Variants in TMEM25 observed in about 807,000 individuals in gnomAD.
The protein encoded by TMEM25 is transmembrane protein 25.
A neutral mutation model predicts 37.0 loss-of-function variants in TMEM25; 36 were observed. That is an observed-to-expected ratio of 0.97 (90% CI 0.75 to 1.28). The LOEUF (loss-of-function observed/expected upper bound fraction) is 1.28. Ranked by LOEUF, TMEM25 falls within the 50% of genes most tolerant of loss-of-function variation. TMEM25 has a pLI of 0.00. For missense variants in TMEM25, 444 were observed against 477.9 expected, an observed-to-expected ratio of 0.93 and a Z score of 0.66; for synonymous variants, 197 against 203.7, an observed-to-expected ratio of 0.97 and a Z score of 0.28.
chr11:118,532,487 A>G, intron 3 of TMEM25, 26 bp downstream of exon 3: 1 of 1,583,416 alleles, frequency 6.3e-7, no homozygotes, highest in African/African-American at 1.3e-5. Context: ...GTGGGCAGGG[A>G]GATAGGTTCT....
At chr11:118,539,038 C>T (rs1225457989), downstream of TMEM25, among the ~76,000 whole-genome samples, 3 of 151,766 alleles carry the variant, frequency 2.0e-5, no homozygotes, top group African/African-American at 7.3e-5. Flanking sequence ...TGAATATTTT[C>T]TCCCATTCAA....
intron 8 of TMEM25, chr11:118,545,685 T>C (rs1306244002): frequency 5.4e-6 from 7 of 1,299,542 alleles, no homozygotes; most frequent in Non-Finnish European, 6.7e-6. Context: ...GGGCTTAAAG[T>C]GAAGGCTGAA....
At chr11:118,546,931 C>CTTG (rs1951700880), downstream of TMEM25, 1 of 108,076 alleles carries the variant, frequency 9.3e-6, no homozygotes, top group African/African-American at 3.5e-5. Context: ...TTTCTTAAAA[C>CTTG]TTTTCTCTTT....
In TMEM25 at chr11:118,535,579, C is replaced by T. The variant is rs782304642; in HGVS notation, c.*999C>T. ...GCCTCATCAGCAGGAAGGTGCCCTT[C>T]CTGGAGGATGGTCGCCACAGGCACA... is the stretch of plus-strand genomic sequence containing the variant. On this transcript the variant is annotated 3_prime_UTR_variant, in exon 9 of 9. Transcript: ENST00000313236. The T allele has an allele frequency of 6.5e-7, 1 of 1,535,734 alleles. No homozygotes were observed. The highest frequency in any genetic ancestry group is 1.2e-5 in the South Asian group (1 of 83,970).
chr11:118,532,506 G>A (rs576036583), intron 3 of TMEM25, 45 bp downstream of exon 3: 4 of 1,564,836 alleles, frequency 2.6e-6, no homozygotes, highest in South Asian at 2.4e-5. Flanking sequence ...CTTTGCCCAG[G>A]GACCCCCAGC....
intron 8 of TMEM25, chr11:118,544,936 C>G: frequency 6.2e-7 from 1 of 1,613,216 alleles, no homozygotes; most frequent in Non-Finnish European, 8.5e-7. Flanking sequence ...GTTAATGTCT[C>G]CATGTCTCCA....
chr11:118,532,590 C>A, intron 3 of TMEM25, 129 bp downstream of exon 3: 1 of 1,062,320 alleles, frequency 9.4e-7, no homozygotes, highest in Non-Finnish European at 1.3e-6. Context: ...TCATTTGATC[C>A]TCTGAGTAAC....
chr11:118,534,220 A>G lies in TMEM25; in HGVS notation c.938-46A>G. 1 of 1,613,568 alleles carries G rather than the reference A, an allele frequency of 6.2e-7. No individual in the cohort carries two copies. Among genetic ancestry groups the G allele is most frequent in the African/African-American group, 1.3e-5 (1 of 75,046 alleles). ...TGGTGCTTGGGAGGGGCGAGGCCTCATCAGGCACACTCCTCGTCCTGAACA... is the reference window on the plus strand; with the variant it reads ...TGGTGCTTGGGAGGGGCGAGGCCTCGTCAGGCACACTCCTCGTCCTGAACA... On this transcript the variant is annotated intron_variant, in intron 7 of 8. Coordinates refer to ENST00000313236, the MANE Select transcript of TMEM25 (RefSeq NM_032780.4). The surrounding 1 kb of genome is among the most constrained non-coding windows in gnomAD (Gnocchi z 4.6).
intron 8 of TMEM25, chr11:118,545,525 A>C: frequency 6.4e-7 from 1 of 1,569,034 alleles, no homozygotes; most frequent in Non-Finnish European, 8.8e-7. Context: ...CAGGAACAGA[A>C]GCAAACAAAC....
intron 6 of TMEM25, 49 bp from the exon 7 acceptor site, chr11:118,533,980 G>C (rs782567522): frequency 8.7e-6 from 14 of 1,613,358 alleles, no homozygotes; most frequent in Non-Finnish European, 2.5e-6. Flanking sequence ...GCAGCCATGA[G>C]TGCCTGTGCC....
downstream of TMEM25, among the ~76,000 whole-genome samples, chr11:118,539,321 C>A (rs1316875851): frequency 1.3e-5 from 2 of 151,984 alleles, no homozygotes; most frequent in Non-Finnish European, 2.9e-5. Flanking sequence ...GTGCGTGCCA[C>A]CACACCCAGC....
chr11:118,541,306 CA>C (rs1230135449), intron 8 of TMEM25, among the ~76,000 whole-genome samples: 1 of 151,598 alleles, frequency 6.6e-6, no homozygotes, highest in Non-Finnish European at 1.5e-5. Flanking sequence ...ACTAAAAATA[CA>C]AAAAATTAGC....
At chr11:118,535,909 A>G (rs1288362889), downstream of TMEM25, 40 of 966,638 alleles carry the variant, frequency 4.1e-5, no homozygotes, top group Middle Eastern at 5.1e-4. Flanking sequence ...ATGGAGTCTC[A>G]CTCTGTCGCC....
At chr11:118,537,659 A>G, downstream of TMEM25, among the ~76,000 whole-genome samples, 1 of 152,186 alleles carries the variant, frequency 6.6e-6, no homozygotes, top group East Asian at 1.9e-4. Flanking sequence ...ATAAACATGA[A>G]AGTGCAGGCA....
Position 118,532,629 on chromosome 11 carries a change from C to T in TMEM25, c.382+168C>T, listed in dbSNP as rs2135378482. ...ATGAGGTCATTACTATTGTCGTCAC[C>T]ATTTTACAAATAAGAAAACTGAGGC... On this transcript the variant is annotated intron_variant, in intron 3 of 8. Coordinates refer to ENST00000313236, the MANE Select transcript of TMEM25 (RefSeq NM_032780.4). 7 of 877,014 alleles carry T rather than the reference C, an allele frequency of 8.0e-6. No individual in the cohort carries two copies. The East Asian group carries it at 1.9e-4, about 23-fold the overall frequency. The allele number at this position is 877,014 out of a possible 1,614,324, so 54.3% of individuals were successfully genotyped here.
At chr11:118,541,289 C>T (rs1041446440) in intron 8 of TMEM25, among the ~76,000 whole-genome samples, 2 of 151,808 alleles carry the variant, frequency 1.3e-5, no homozygotes, top group Non-Finnish European at 2.9e-5. Context: ...AGTGAAACCC[C>T]GTCTCTACTA....
chr11:118,546,141 C>A (rs564564627), exon 9 of TMEM25: 2 of 718,424 alleles, frequency 2.8e-6, no homozygotes, highest in South Asian at 3.0e-5. Context: ...AGGACAAAGA[C>A]GCATAACAGA....
chr11:118,531,330 A>C, intron 1 of TMEM25, 96 bp downstream of exon 1: 1 of 328,444 alleles, frequency 3.0e-6, no homozygotes, highest in Non-Finnish European at 5.7e-6. Context: ...GGAGCCACCA[A>C]CATCAGGAAA....
chr11:118,531,765 C>T lies in TMEM25; in HGVS notation c.-27-10C>T. On this transcript the variant is annotated splice_polypyrimidine_tract_variant and intron_variant, in intron 1 of 8. Coordinates refer to ENST00000313236, the MANE Select transcript of TMEM25 (RefSeq NM_032780.4). ...GTCACCTGGCTGACAGGCCCGCCCC[C>T]TTCTCTCAGCAGCCTAGGGCCTAGG... 1 of 1,533,674 alleles carries T rather than the reference C, an allele frequency of 6.5e-7. No homozygotes were observed.
Sources: gnomAD v4.1 joint callset for allele counts (sites outside exome capture counted in the v4.1 genomes callset) on GRCh38, gnomAD v4.1.1 for gene constraint, Gnocchi (gnomAD v3.1) non-coding constraint, MANE v1.5 for transcripts, NCBI Gene and HGNC (gene_info 2026-07-23, HGNC 2026-07-21) for gene names.